LRRC66: variants seen among roughly 807,000 people sequenced by gnomAD.
The protein encoded by LRRC66 is leucine-rich repeat-containing protein 66.
A neutral mutation model predicts 24.6 loss-of-function variants in LRRC66; 29 were observed. The observed-to-expected ratio is 1.18, with a 90% CI of 0.88 to 1.61. LRRC66 has a LOEUF of 1.61. LRRC66 is among the 40% of genes most tolerant of loss of function. The pLI, the probability that LRRC66 is intolerant of heterozygous loss-of-function variation, is 0.00. For synonymous variants in LRRC66, 411 were observed against 397.6 expected, an observed-to-expected ratio of 1.03 and a Z score of -0.40; for missense variants, 1,124 against 1,058.0, an observed-to-expected ratio of 1.06 and a Z score of -0.87.
At position 51,996,066 on chromosome 4, in the gene LRRC66, C is replaced by A. The variant is rs375611907; in HGVS notation, c.956G>T (p.Ser319Ile). ...HLHRMKSLIR[S>I]KAERPQGGRH... ...TCCTCCCTGGGGCCTCTCTGCTTTG[C>A]TCCTTATGAGGCTTTTCATGCGATG... is the stretch of plus-strand genomic sequence containing the variant. Residue 319 changes from serine (S) to isoleucine (I), a missense_variant, in exon 5 of 5, where the codon AGC becomes ATC. Physicochemically the swap from Ser to Ile is moderately radical, Grantham distance 142. Coordinates refer to ENST00000682860, the MANE Select transcript of LRRC66 (RefSeq NM_001024611.3). 1 of 1,614,090 alleles carries A rather than the reference C, an allele frequency of 6.2e-7. No individual in the cohort carries two copies. The highest frequency in any genetic ancestry group is 1.7e-5 in the Admixed American group (1 of 60,008).
intron 2 of LRRC66, among the ~76,000 whole-genome samples, chr4:52,010,458 A>G (rs1356279619): frequency 6.6e-6 from 1 of 152,264 alleles, no homozygotes; most frequent in South Asian, 2.1e-4. Context: ...GTAGTTTTTC[A>G]GCTTTAGTCT....
intron 1 of LRRC66, chr4:52,017,960 T>G (rs1736858302): frequency 1.0e-6 from 1 of 985,340 alleles, no homozygotes; most frequent in African/African-American, 1.7e-5. Flanking sequence ...GATTAAAGAC[T>G]TCCCTGTTTC....
intron 3 of LRRC66, 105 bp downstream of exon 3, chr4:52,003,118 A>G: frequency 3.6e-6 from 3 of 831,566 alleles, no homozygotes; most frequent in Non-Finnish European, 5.5e-6. Context: ...TTTGATTAAT[A>G]GCCAGTACTA....
intron 1 of LRRC66, among the ~76,000 whole-genome samples, 161 bp downstream of exon 1, chr4:52,020,143 G>A (rs568291805): frequency 2.0e-5 from 3 of 152,186 alleles, no homozygotes; most frequent in East Asian, 1.9e-4. Context: ...GCAAGTGAAA[G>A]ATAGGAAGAA....
chr4:51,999,206 CA>C (rs1560557733), intron 3 of LRRC66, among the ~76,000 whole-genome samples: 1 of 151,844 alleles, frequency 6.6e-6, no homozygotes, highest in South Asian at 2.1e-4. Flanking sequence ...TCCTTGCTTT[CA>C]AAAAAGAGGA....
intron 2 of LRRC66, among the ~76,000 whole-genome samples, chr4:52,015,372 C>T (rs1180968865): frequency 6.6e-6 from 1 of 151,726 alleles, no homozygotes; most frequent in South Asian, 2.1e-4. Context: ...ACTGAAGAGG[C>T]TGAAAAGAAA....
At chr4:52,007,401 T>C (rs1291531238) in intron 2 of LRRC66, among the ~76,000 whole-genome samples, 1 of 152,074 alleles carries the variant, frequency 6.6e-6, no homozygotes, top group Non-Finnish European at 1.5e-5. Flanking sequence ...GCCCAGGCTG[T>C]TCTCAAATTT....
At position 51,995,925 on chromosome 4, in the gene LRRC66, C is replaced by A. The variant is rs1448200193; in HGVS notation, c.1097G>T (p.Gly366Val). ...GTCCTGGGGAGCGTCCTCTTTTTTG[C>A]CGGCAGCCTGCACATCGCGGGTGCT... Reference protein sequence around the residue: ...VRSTRDVQAAGKKEDAPQDLA... With the variant: ...VRSTRDVQAAVKKEDAPQDLA... Residue 366 changes from glycine (G) to valine (V), a missense_variant, in exon 5 of 5, where the codon GGC becomes GTC. Transcript: ENST00000682860. 2 of 1,614,008 alleles carry A rather than the reference C, an allele frequency of 1.2e-6. No individual in the cohort carries two copies. Among genetic ancestry groups the A allele is most frequent in the South Asian group, 2.2e-5 (2 of 91,072 alleles).
intron 2 of LRRC66, among the ~76,000 whole-genome samples, chr4:52,010,768 TG>T (rs1005481566): frequency 1.3e-5 from 2 of 152,184 alleles, no homozygotes; most frequent in African/African-American, 4.8e-5. Flanking sequence ...GATGAACATA[TG>T]AGTGCATGTG....
chr4:52,014,850 C>T (rs1310082265), intron 2 of LRRC66, among the ~76,000 whole-genome samples: 1 of 152,186 alleles, frequency 6.6e-6, no homozygotes, highest in African/African-American at 2.4e-5. Context: ...CTCTCTATGT[C>T]TTCATTTGCT....
intron 2 of LRRC66, among the ~76,000 whole-genome samples, chr4:52,004,031 C>G (rs1237977738): frequency 6.6e-6 from 1 of 151,978 alleles, no homozygotes; most frequent in African/African-American, 2.4e-5. Context: ...GAGACAGAGT[C>G]TCGCTCTGTC....
chr4:52,011,780 C>G (rs973778954), intron 2 of LRRC66, among the ~76,000 whole-genome samples: 4 of 152,200 alleles, frequency 2.6e-5, no homozygotes, highest in African/African-American at 9.7e-5. Flanking sequence ...CTACCCTATA[C>G]ATATACTTAT....
Position 51,995,289 on chromosome 4 carries a change from G to C in LRRC66, c.1733C>G (p.Pro578Arg). ...SSRYDSNELD[P>R]SLSGEITASL... ...AGCTGTTATTTCTCCGGAGAGGGAA[G>C]GGTCTAATTCATTGGAATCATAACG... is the stretch of plus-strand genomic sequence containing the variant. Residue 578 changes from proline to arginine, a missense_variant, in exon 5 of 5, where the codon CCT becomes CGT. Physicochemically the swap from Pro to Arg is moderately radical, Grantham distance 103. Coordinates refer to ENST00000682860, the MANE Select transcript of LRRC66 (RefSeq NM_001024611.3). 2 of 1,614,190 alleles carry C rather than the reference G, an allele frequency of 1.2e-6. No individual in the cohort carries two copies. The highest frequency in any genetic ancestry group is 2.2e-5 in the South Asian group (2 of 91,068).
chr4:52,014,077 A>G (rs529278398), intron 2 of LRRC66, among the ~76,000 whole-genome samples: 2 of 152,290 alleles, frequency 1.3e-5, no homozygotes, highest in East Asian at 3.9e-4. Context: ...AACATGGAGG[A>G]GCCCCGTCTC....
chr4:52,000,200 C>T (rs1736416180), intron 3 of LRRC66, among the ~76,000 whole-genome samples: 1 of 152,150 alleles, frequency 6.6e-6, no homozygotes, highest in African/African-American at 2.4e-5. Context: ...TTGAGAATTA[C>T]AGCTGTATAT....
At chr4:51,998,009 G>T in intron 3 of LRRC66, 72 bp from the exon 4 acceptor site, 3 of 1,296,088 alleles carry the variant, frequency 2.3e-6, no homozygotes, top group South Asian at 1.3e-5. Flanking sequence ...ATGAGTTACA[G>T]AAAACTACTG....
chr4:52,014,251 TCAAAAAA>T (rs1369485072), intron 2 of LRRC66, among the ~76,000 whole-genome samples: 2 of 152,096 alleles, frequency 1.3e-5, no homozygotes, highest in Non-Finnish European at 2.9e-5. Context: ...AAACTCTGTC[TCAAAAAA>T]CAAAAAACAA....
At chr4:52,012,351 C>G (rs1227312967) in intron 2 of LRRC66, among the ~76,000 whole-genome samples, 4 of 152,138 alleles carry the variant, frequency 2.6e-5, no homozygotes, top group Non-Finnish European at 5.9e-5. Flanking sequence ...AGGTAAACTT[C>G]TTCTGGAGAT....
At chr4:51,996,348 G>A (rs1736317710) in intron 4 of LRRC66, among the ~76,000 whole-genome samples, 183 bp from the exon 5 acceptor site, 1 of 152,124 alleles carries the variant, frequency 6.6e-6, no homozygotes, top group African/African-American at 2.4e-5. Flanking sequence ...CTGGGCTCAA[G>A]TGATCCTCCC....
Sources: gnomAD v4.1 joint callset for allele counts (sites outside exome capture counted in the v4.1 genomes callset) on GRCh38, gnomAD v4.1.1 for gene constraint, MANE v1.5 for transcripts, NCBI Gene and HGNC (gene_info 2026-07-23, HGNC 2026-07-21) for gene names.